KCMF1: variants seen among roughly 807,000 people sequenced by gnomAD.
The protein encoded by KCMF1 is potassium channel modulatory factor 1.
A neutral mutation model predicts 41.1 loss-of-function variants in KCMF1; 3 were observed. The observed-to-expected ratio is 0.07, with a 90% CI of 0.03 to 0.19. The LOEUF (loss-of-function observed/expected upper bound fraction) is 0.19, where lower values mean the gene tolerates loss of function less well. Ranked by LOEUF, KCMF1 falls within the 10% of genes least tolerant of loss-of-function variation. The probability of loss-of-function intolerance (pLI) is 1.00; values close to 1 mark genes in which losing one functional copy is unlikely to be tolerated. For synonymous variants in KCMF1, 142 were observed against 164.5 expected (o/e 0.86, Z 1.04); for missense variants, 286 against 488.9 (o/e 0.58, Z 3.91).
In KCMF1 at chr2:84,995,405, G is replaced by T. The variant is rs925797248; in HGVS notation, c.16+23938G>T. 2.0e-5 allele frequency among the ~76,000 whole-genome samples: 3 copies of T among 152,206 alleles called. No individual in the cohort carries two copies. In the South Asian group the frequency reaches 6.2e-4, roughly 32 times the overall value. On this transcript the variant is annotated intron_variant, in intron 1 of 6. Coordinates refer to ENST00000409785, the MANE Select transcript of KCMF1 (RefSeq NM_020122.5). ...TTCTAGAGTCTTGATTCAGGTTTTT[G>T]TCTTTGGTAAGAATATTTCGTAGGT...
chr2:85,005,296 AT>A (rs567699626), intron 1 of KCMF1, among the ~76,000 whole-genome samples: 18 of 146,534 alleles, frequency 1.2e-4, no homozygotes, highest in Admixed American at 9.6e-4. Context: ...TTATTTATTT[AT>A]TTTTTTTTTG....
chr2:85,044,167 G>A (rs1218872195), intron 4 of KCMF1, among the ~76,000 whole-genome samples: 1 of 152,090 alleles, frequency 6.6e-6, no homozygotes, highest in Non-Finnish European at 1.5e-5. Flanking sequence ...AATATGAAGA[G>A]GCATTATTTG....
chr2:85,026,767 G>A (rs1675118600), intron 1 of KCMF1, among the ~76,000 whole-genome samples: 1 of 152,134 alleles, frequency 6.6e-6, no homozygotes, highest in South Asian at 2.1e-4. Context: ...GGGATTATAG[G>A]TGTTAGCCAC....
At chr2:85,018,571 T>C (rs555762481) in intron 1 of KCMF1, among the ~76,000 whole-genome samples, 1 of 151,762 alleles carries the variant, frequency 6.6e-6, no homozygotes, top group East Asian at 2.0e-4. Context: ...CACCCAGCCA[T>C]GACTAAGCTA....
chr2:85,018,152 T>C (rs980281887), intron 1 of KCMF1, among the ~76,000 whole-genome samples: 1 of 152,220 alleles, frequency 6.6e-6, no homozygotes, highest in African/African-American at 2.4e-5. Context: ...GTGAACTTGA[T>C]TGGATGGGGG....
chr2:84,977,084 G>A (rs2103960641), intron 1 of KCMF1, among the ~76,000 whole-genome samples: 1 of 151,724 alleles, frequency 6.6e-6, no homozygotes, highest in South Asian at 2.1e-4. Context: ...TGGGATCTTG[G>A]CTTACTGCAA....
At chr2:85,024,549 AGAGT>A (rs1290142273) in intron 1 of KCMF1, among the ~76,000 whole-genome samples, 2 of 134,742 alleles carry the variant, frequency 1.5e-5, no homozygotes, top group South Asian at 2.4e-4. Context: ...TTTGATTTGG[AGAGT>A]GAGAGAGAGA....
intron 2 of KCMF1, among the ~76,000 whole-genome samples, chr2:85,028,339 C>T (rs1481941319): frequency 1.3e-5 from 2 of 151,634 alleles, no homozygotes; most frequent in African/African-American, 2.4e-5. Flanking sequence ...CACACCACCA[C>T]GCCTGGCTAA....
At chr2:84,997,777 T>TTC (rs1674212299) in intron 1 of KCMF1, among the ~76,000 whole-genome samples, 1 of 143,530 alleles carries the variant, frequency 7.0e-6, no homozygotes, top group South Asian at 2.3e-4. Context: ...TTTTTTTTTT[T>TTC]TTTTTTTTTT....
chr2:85,020,723 C>T (rs931202067), intron 1 of KCMF1, among the ~76,000 whole-genome samples: 4 of 152,184 alleles, frequency 2.6e-5, no homozygotes, highest in East Asian at 1.9e-4. Flanking sequence ...TGAGCCACTG[C>T]GCCTGACCTG....
chr2:85,027,985 A>T lies in KCMF1; in HGVS notation c.113A>T (p.Glu38Val). 1 of 1,612,592 alleles carries T rather than the reference A, an allele frequency of 6.2e-7. No homozygotes were observed. The highest frequency in any genetic ancestry group is 8.5e-7 in the Non-Finnish European group (1 of 1,178,720). Reference protein sequence around the residue: ...YDYDLCASCYESGATTTRHTT... With the variant: ...YDYDLCASCYVSGATTTRHTT... Reference sequence around the variant, plus strand: ...TACGATCTTTGTGCATCTTGTTATGAAAGTGGTGCAACAACAACAAGGCAT... The same window carrying T: ...TACGATCTTTGTGCATCTTGTTATGTAAGTGGTGCAACAACAACAAGGCAT... The change falls in exon 2 of 7, where the codon GAA becomes GTA. Residue 38 changes from glutamate (E) to valine (V), a missense_variant. Glu to Val is a moderately radical substitution (Grantham distance 121). This residue lies in a region of KCMF1 where 95 missense variants were observed against 209.6 expected (regional missense o/e 0.45). Transcript: ENST00000409785.
At chr2:84,984,186 G>T (rs1230702604) in intron 1 of KCMF1, among the ~76,000 whole-genome samples, 1 of 152,052 alleles carries the variant, frequency 6.6e-6, no homozygotes, top group Non-Finnish European at 1.5e-5. Flanking sequence ...GGGCAACATG[G>T]TAAGACCCCA....
intron 1 of KCMF1, among the ~76,000 whole-genome samples, chr2:85,011,782 A>G (rs1674657772): frequency 6.6e-6 from 1 of 152,346 alleles, no homozygotes; most frequent in Non-Finnish European, 1.5e-5. Context: ...GGCAGATCCT[A>G]GACCATGGTT....
At chr2:85,036,797 C>CA (rs199605273) in intron 3 of KCMF1, among the ~76,000 whole-genome samples, 1 of 144,630 alleles carries the variant, frequency 6.9e-6, no homozygotes, top group Non-Finnish European at 1.5e-5. Context: ...ACCCTGTCTC[C>CA]AAAAAAAAAT....
chr2:85,021,480 G>A (rs1049820828), intron 1 of KCMF1, among the ~76,000 whole-genome samples: 3 of 152,020 alleles, frequency 2.0e-5, no homozygotes, highest in Non-Finnish European at 4.4e-5. Flanking sequence ...AAATTAGCCG[G>A]GTGTGGTGGT....
intron 1 of KCMF1, among the ~76,000 whole-genome samples, chr2:85,007,653 G>C (rs1558572891): frequency 6.6e-6 from 1 of 152,232 alleles, no homozygotes; most frequent in Non-Finnish European, 1.5e-5. Context: ...GTCCAGATAA[G>C]ATACGGGGAC....
intron 1 of KCMF1, among the ~76,000 whole-genome samples, chr2:85,001,407 C>T (rs1474627474): frequency 1.3e-5 from 2 of 151,944 alleles, no homozygotes; most frequent in African/African-American, 4.8e-5. Context: ...GAGCTGCCTG[C>T]CCTAGCCTCC....
At chr2:85,000,280 C>T (rs1674295740) in intron 1 of KCMF1, among the ~76,000 whole-genome samples, 1 of 152,084 alleles carries the variant, frequency 6.6e-6, no homozygotes, top group South Asian at 2.1e-4. Flanking sequence ...TGCCCGCTAC[C>T]ATGCCCAGCT....
chr2:85,025,767 CCTCA>C (rs933547535), intron 1 of KCMF1, among the ~76,000 whole-genome samples: 27 of 152,006 alleles, frequency 1.8e-4, no homozygotes, highest in African/African-American at 5.3e-4. Context: ...CACCACCATG[CCTCA>C]CTAATTTTTT....
Sources: gnomAD v4.1 joint callset for allele counts (sites outside exome capture counted in the v4.1 genomes callset) on GRCh38, gnomAD v4.1.1 for gene constraint, gnomAD v4.1.1 regional missense constraint, MANE v1.5 for transcripts, NCBI Gene and HGNC (gene_info 2026-07-23, HGNC 2026-07-21) for gene names.